The following CNTN4 variants were observed in gnomAD, a reference collection of about 807,000 sequenced individuals.
CNTN4 encodes contactin 4.
A neutral mutation model predicts 122.5 loss-of-function variants in CNTN4; 77 were observed. That is an observed-to-expected ratio of 0.63 (90% CI 0.52 to 0.76). The LOEUF (loss-of-function observed/expected upper bound fraction) is 0.76. CNTN4 is among the 30% of genes least tolerant of loss of function. CNTN4 has a pLI of 0.00. For missense variants in CNTN4, 1,256 were observed against 1,259.1 expected (o/e 1.00, Z 0.04); for synonymous variants, 512 against 447.0 (o/e 1.15, Z -1.83).
In CNTN4 at chr3:2,106,080, G is replaced by A. The variant is rs146065906; in HGVS notation, c.-145+5441G>A. Reference sequence around the variant, plus strand: ...ACTCTATGTCTCAAGTTCAGGTCATGCTGATGCAGGAGGTGGGCTCCCACT... The same window carrying A: ...ACTCTATGTCTCAAGTTCAGGTCATACTGATGCAGGAGGTGGGCTCCCACT... On this transcript the variant is annotated intron_variant, in intron 2 of 24. Coordinates refer to ENST00000418658, the MANE Select transcript of CNTN4 (RefSeq NM_175607.3). 9.8e-5 allele frequency among the ~76,000 whole-genome samples: 15 copies of A among 152,366 alleles called. No individual in the cohort carries two copies. In the East Asian group the frequency reaches 2.7e-3, roughly 27 times the overall value.
intron 2 of CNTN4, among the ~76,000 whole-genome samples, chr3:2,254,597 A>T (rs1213079029): frequency 6.6e-6 from 1 of 152,130 alleles, no homozygotes; most frequent in African/African-American, 2.4e-5. Context: ...CTGGCGTGAG[A>T]TGGTATCTCA....
intron 3 of CNTN4, among the ~76,000 whole-genome samples, chr3:2,381,285 C>T (rs1201775811): frequency 2.6e-5 from 4 of 152,276 alleles, no homozygotes; most frequent in East Asian, 1.9e-4. Context: ...GGATTACAGG[C>T]GTGAGCCACT....
At chr3:2,110,989 C>A (rs1472195934) in intron 2 of CNTN4, among the ~76,000 whole-genome samples, 3 of 152,156 alleles carry the variant, frequency 2.0e-5, no homozygotes, top group Non-Finnish European at 4.4e-5. Context: ...GTACAATAAA[C>A]TTCATTCAAA....
chr3:2,784,260 C>T (rs1169709626), intron 6 of CNTN4, among the ~76,000 whole-genome samples: 1 of 152,136 alleles, frequency 6.6e-6, no homozygotes, highest in African/African-American at 2.4e-5. Flanking sequence ...TTATGGTAGA[C>T]TGGAGCTCAT....
In CNTN4 at chr3:2,866,792, T is replaced by G; in HGVS notation, c.495T>G (p.Tyr165Ter). The G allele has an allele frequency of 6.2e-7, 1 of 1,614,028 alleles. No individual in the cohort carries two copies. Among genetic ancestry groups the G allele is most frequent in the Non-Finnish European group, 8.5e-7 (1 of 1,179,928 alleles). ...GGATCTTCAATGAATACCCTTCCTA[T>G]CAGGATAATCGCCGCTTTGTTTCTC... ...YAWIFNEYPS[Y>*]QDNRRFVSQE... Residue 165 changes from tyrosine to a stop codon, truncating the protein, a stop_gained, in exon 8 of 25, where the codon TAT becomes TAG. Coordinates refer to ENST00000418658, the MANE Select transcript of CNTN4 (RefSeq NM_175607.3). LOFTEE classifies it high-confidence loss of function.
chr3:2,332,237 C>A (rs1226507191), intron 2 of CNTN4, among the ~76,000 whole-genome samples: 1 of 152,120 alleles, frequency 6.6e-6, no homozygotes, highest in East Asian at 1.9e-4. Flanking sequence ...TAATGTGTTC[C>A]CTGGACTAGC....
In CNTN4 at chr3:3,043,678, A is replaced by G; in HGVS notation, c.2785A>G (p.Asn929Asp). Residue 929 changes from asparagine (N) to aspartate (D), a missense_variant, in exon 23 of 25, where the codon AAT becomes GAT. Transcript: ENST00000418658. ...LNWDQVKALD[N>D]ESEVKGYKVL... is the part of the protein sequence containing the mutation. Reference sequence around the variant, plus strand: ...TTGGGATCAAGTGAAGGCCCTGGATAATGAGTCGGAAGTAAAAGGATACAA... The same window carrying G: ...TTGGGATCAAGTGAAGGCCCTGGATGATGAGTCGGAAGTAAAAGGATACAA... The G allele has an allele frequency of 5.6e-6, 9 of 1,613,386 alleles. No homozygotes were observed. The highest frequency in any genetic ancestry group is 7.6e-6 in the Non-Finnish European group (9 of 1,179,306).
chr3:2,416,056 A>T (rs1289955746), intron 3 of CNTN4, among the ~76,000 whole-genome samples: 1 of 152,190 alleles, frequency 6.6e-6, no homozygotes, highest in Admixed American at 6.5e-5. Context: ...GGAATTTTTA[A>T]GAGACATATA....
At chr3:2,299,061 G>C (rs1206866663) in intron 2 of CNTN4, among the ~76,000 whole-genome samples, 1 of 152,080 alleles carries the variant, frequency 6.6e-6, no homozygotes, top group Non-Finnish European at 1.5e-5. Flanking sequence ...TTCAGTGGCT[G>C]AGATTAAACA....
At chr3:2,439,403 A>G (rs2048357937) in intron 3 of CNTN4, among the ~76,000 whole-genome samples, 1 of 151,990 alleles carries the variant, frequency 6.6e-6, no homozygotes, top group East Asian at 1.9e-4. Flanking sequence ...TTTTTACTTT[A>G]TTTTATTTTT....
At chr3:2,354,296 C>T (rs113240938) in intron 3 of CNTN4, among the ~76,000 whole-genome samples, 9 of 152,140 alleles carry the variant, frequency 5.9e-5, no homozygotes, top group South Asian at 2.1e-4. Flanking sequence ...TTTGGGAGGC[C>T]GAGGCAGGCG....
At chr3:2,656,811 A>G (rs1009422380) in intron 4 of CNTN4, among the ~76,000 whole-genome samples, 2 of 152,196 alleles carry the variant, frequency 1.3e-5, no homozygotes, top group African/African-American at 2.4e-5. Context: ...CAAGTATTCT[A>G]TTCGTACCTT....
chr3:2,583,207 G>A (rs1397434023), intron 4 of CNTN4, among the ~76,000 whole-genome samples: 1 of 152,190 alleles, frequency 6.6e-6, no homozygotes, highest in Admixed American at 6.5e-5. Context: ...CTTTTCTAAG[G>A]AGCTTTGAAG....
chr3:2,479,945 G>A (rs1280302217), intron 3 of CNTN4, among the ~76,000 whole-genome samples: 1 of 152,030 alleles, frequency 6.6e-6, no homozygotes, highest in East Asian at 1.9e-4. Flanking sequence ...TTCACATCAG[G>A]TATCCAAGGG....
At chr3:2,853,574 C>T (rs948572709) in intron 7 of CNTN4, among the ~76,000 whole-genome samples, 2 of 152,032 alleles carry the variant, frequency 1.3e-5, no homozygotes, top group African/African-American at 4.8e-5. Flanking sequence ...AAGCATATTA[C>T]CTGAATAGAA....
At chr3:2,933,417 C>A (rs2094541869) in intron 13 of CNTN4, among the ~76,000 whole-genome samples, 1 of 152,038 alleles carries the variant, frequency 6.6e-6, no homozygotes, top group Admixed American at 6.5e-5. Context: ...TGGGGAGATA[C>A]GTGGCCTTCT....
chr3:2,353,563 C>T (rs905306297), intron 3 of CNTN4, among the ~76,000 whole-genome samples: 8 of 151,988 alleles, frequency 5.3e-5, no homozygotes, highest in African/African-American at 1.2e-4. Context: ...CTGAGGCCAG[C>T]GAGACCACGA....
At chr3:2,747,343 A>G (rs1306854742) in intron 6 of CNTN4, among the ~76,000 whole-genome samples, 2 of 151,708 alleles carry the variant, frequency 1.3e-5, no homozygotes, top group African/African-American at 4.8e-5. Context: ...CGGGAGGCGG[A>G]GCTTGCAGTG....
chr3:2,785,902 C>CCCCCCCCCCCCCCCCCCCCCCCCCCCCA (rs1293271501), intron 6 of CNTN4, among the ~76,000 whole-genome samples: 1 of 129,458 alleles, frequency 7.7e-6, no homozygotes, highest in Non-Finnish European at 1.7e-5. Flanking sequence ...GCTGCCCCCC[C>CCCCCCCCCCCCCCCCCCCCCCCCCCCCA]CCGCCCCCCC....
Sources: allele counts gnomAD v4.1 joint callset (sites outside exome capture counted in the v4.1 genomes callset), GRCh38; gene constraint gnomAD v4.1.1; transcripts MANE v1.5; gene names NCBI Gene and HGNC (gene_info 2026-07-23, HGNC 2026-07-21).